CCNY: variants seen among roughly 807,000 people sequenced by gnomAD.
CCNY encodes cyclin-Y.
In CCNY, 19 loss-of-function variants were observed where a neutral mutation model predicts 42.8. The ratio of observed to expected loss-of-function variants is 0.44; its 90% CI spans 0.31 to 0.65. The LOEUF is 0.65. Among genes scored for constraint, CCNY ranks in the 30% least tolerant of loss-of-function variants. The probability of loss-of-function intolerance (pLI) is 0.07; values close to 1 mark genes in which losing one functional copy is unlikely to be tolerated. For synonymous variants in CCNY, 165 were observed against 162.7 expected, an observed-to-expected ratio of 1.01 and a Z score of -0.11; for missense variants, 370 against 437.3, an observed-to-expected ratio of 0.85 and a Z score of 1.37.
chr10:35,386,046 G>T (rs1448777011), intron 1 of CCNY, among the ~76,000 whole-genome samples: 1 of 152,086 alleles, frequency 6.6e-6, no homozygotes, highest in Non-Finnish European at 1.5e-5. Flanking sequence ...GGGAAACAGA[G>T]GGATAGGAAT....
upstream of CCNY, among the ~76,000 whole-genome samples, chr10:35,334,002 G>C (rs906575392): frequency 1.4e-5 from 2 of 142,820 alleles, no homozygotes; most frequent in African/African-American, 5.2e-5. Flanking sequence ...ACATACCTAA[G>C]GGGAATATGG....
chr10:35,441,944 A>C (rs1297417042), intron 1 of CCNY, among the ~76,000 whole-genome samples: 1 of 152,266 alleles, frequency 6.6e-6, no homozygotes, highest in Non-Finnish European at 1.5e-5. Flanking sequence ...ATCATACTTA[A>C]GAGAATACCC....
intron 7 of CCNY, among the ~76,000 whole-genome samples, chr10:35,550,299 G>A (rs1313092111): frequency 1.3e-5 from 2 of 152,038 alleles, no homozygotes; most frequent in Non-Finnish European, 2.9e-5. Flanking sequence ...TTGTGACCCT[G>A]CACTGCTCAT....
Position 35,277,743 on chromosome 10 carries a change from G to T in CCNY, c.-9+27117G>T, listed in dbSNP as rs763919404. Among the ~76,000 whole-genome samples the T allele has an allele frequency of 7.6e-4, 115 of 150,838 alleles. 1 individual carries two copies. The highest frequency in any genetic ancestry group is 2.4e-3 in the Admixed American group (37 of 15,114). On this transcript the variant is annotated intron_variant, in intron 3 of 11. Transcript: ENST00000374706. ...TAAATTCTTTTTTTTTTTTCCAAAA[G>T]AGTCCTTCCTGTCACAGAGCTCACA...
At chr10:35,488,133 T>C (rs1839823789) in intron 2 of CCNY, among the ~76,000 whole-genome samples, 3 of 152,208 alleles carry the variant, frequency 2.0e-5, no homozygotes, top group African/African-American at 7.2e-5. Context: ...CAGGAGTCCC[T>C]TGAAATAATT....
intron 3 of CCNY, among the ~76,000 whole-genome samples, chr10:35,301,969 T>C (rs1239009038): frequency 6.6e-6 from 1 of 151,410 alleles, no homozygotes; most frequent in Non-Finnish European, 1.5e-5. Context: ...TTTATTTATT[T>C]ATTTATTTTT....
upstream of CCNY, chr10:35,336,101 A>T (rs993865930): frequency 1.3e-5 from 2 of 152,210 alleles, no homozygotes; most frequent in African/African-American, 4.8e-5. Context: ...TAGAAAAATA[A>T]AAAGACAAAA....
intron 3 of CCNY, among the ~76,000 whole-genome samples, chr10:35,302,045 C>T (rs1487705745): frequency 6.6e-6 from 1 of 151,694 alleles, no homozygotes; most frequent in African/African-American, 2.4e-5. Context: ...CTCACTGCAA[C>T]CTCCGCCTCC....
At position 35,389,245 on chromosome 10, in the gene CCNY, G is replaced by A. The variant is rs140689695; in HGVS notation, c.154+52038G>A. Reference sequence around the variant, plus strand: ...TTTTATTGCTGCTACTACTACTACTGCTACTACTACTGTAGTCTACTACAT... The same window carrying A: ...TTTTATTGCTGCTACTACTACTACTACTACTACTACTGTAGTCTACTACAT... On this transcript the variant is annotated intron_variant, in intron 1 of 9. Transcript: ENST00000374704. Among the ~76,000 whole-genome samples, 1,477 of 152,012 alleles carry A rather than the reference G, an allele frequency of 9.7e-3. 29 individuals carry two copies. The highest frequency in any genetic ancestry group is 0.034 in the African/African-American group (1,417 of 41,428).
intron 2 of CCNY, among the ~76,000 whole-genome samples, chr10:35,487,259 T>C (rs1030270791): frequency 2.6e-5 from 4 of 152,192 alleles, no homozygotes; most frequent in Admixed American, 2.6e-4. Context: ...TATTAGAGTC[T>C]TTTCTTTTGA....
At chr10:35,431,532 G>A (rs971210842) in intron 1 of CCNY, among the ~76,000 whole-genome samples, 1 of 148,566 alleles carries the variant, frequency 6.7e-6, no homozygotes, top group Non-Finnish European at 1.5e-5. Flanking sequence ...ATTTCTTGAG[G>A]TTGTAGCACA....
At chr10:35,317,299 A>T (rs904767952) in intron 3 of CCNY, among the ~76,000 whole-genome samples, 1 of 152,194 alleles carries the variant, frequency 6.6e-6, no homozygotes, top group Non-Finnish European at 1.5e-5. Flanking sequence ...AACTCAATAA[A>T]TACTTTCTGA....
At chr10:35,335,328 A>AAAAGC (rs113932210), upstream of CCNY, among the ~76,000 whole-genome samples, 2,467 of 152,240 alleles carry the variant, frequency 0.016, 48 homozygotes, top group East Asian at 0.039. Context: ...ATGGCATTCT[A>AAAAGC]AAAGCAAAGC....
chr10:35,360,096 TCTTG>T, intron 1 of CCNY, among the ~76,000 whole-genome samples: 1 of 152,362 alleles, frequency 6.6e-6, no homozygotes, highest in African/African-American at 2.4e-5. Flanking sequence ...TTGTTTGAGT[TCTTG>T]CTTTCAATTC....
intron 4 of CCNY, among the ~76,000 whole-genome samples, chr10:35,518,277 G>GT (rs113090181): frequency 0.01 from 1,581 of 152,354 alleles, 23 homozygotes; most frequent in African/African-American, 0.036. Flanking sequence ...GTAAATCACT[G>GT]TTTCTGGCCC....
intron 1 of CCNY, among the ~76,000 whole-genome samples, chr10:35,407,370 A>G (rs1316146803): frequency 6.6e-6 from 1 of 152,092 alleles, no homozygotes; most frequent in Non-Finnish European, 1.5e-5. Context: ...GGAAGATTCA[A>G]AAGACTCAGA....
intron 3 of CCNY, among the ~76,000 whole-genome samples, chr10:35,288,670 G>A (rs540624936): frequency 2.7e-4 from 41 of 152,254 alleles, no homozygotes; most frequent in African/African-American, 8.4e-4. Flanking sequence ...GACGTTAAGC[G>A]TCAAGGTTCA....
At chr10:35,372,350 A>T (rs1233599399) in intron 1 of CCNY, among the ~76,000 whole-genome samples, 1 of 152,202 alleles carries the variant, frequency 6.6e-6, no homozygotes, top group Non-Finnish European at 1.5e-5. Flanking sequence ...TTGTTTCTGC[A>T]AAGATTACTC....
At chr10:35,426,660 A>G (rs1838280439) in intron 1 of CCNY, among the ~76,000 whole-genome samples, 1 of 152,244 alleles carries the variant, frequency 6.6e-6, no homozygotes, top group Non-Finnish European at 1.5e-5. Context: ...TTATCTGGAA[A>G]TTCTCTGATG....
Sources: gnomAD v4.1 joint callset for allele counts (sites outside exome capture counted in the v4.1 genomes callset) on GRCh38, gnomAD v4.1.1 for gene constraint, MANE v1.5 for transcripts, NCBI Gene and HGNC (gene_info 2026-07-23, HGNC 2026-07-21) for gene names.